Variants in LRP1B observed in about 807,000 individuals in gnomAD.
LRP1B encodes low-density lipoprotein receptor-related protein 1B.
LRP1B carries 217 observed loss-of-function variants against 556.6 expected under a neutral mutation model. That is an observed-to-expected ratio of 0.39 (90% CI 0.35 to 0.44). The LOEUF is 0.44. Among genes scored for constraint, LRP1B ranks in the 20% least tolerant of loss-of-function variants. LRP1B has a pLI of 1.00. For synonymous variants in LRP1B, 2,047 were observed against 1,865.8 expected, an observed-to-expected ratio of 1.10 and a Z score of -2.50; for missense variants, 5,053 against 5,620.8, an observed-to-expected ratio of 0.90 and a Z score of 3.23.
chr2:142,120,380 G>A (rs555469879), intron 1 of LRP1B, among the ~76,000 whole-genome samples: 1 of 152,284 alleles, frequency 6.6e-6, no homozygotes, highest in East Asian at 1.9e-4. Context: ...CCAAAGTGCT[G>A]GGATTACAGG....
intron 3 of LRP1B, among the ~76,000 whole-genome samples, chr2:141,389,088 T>G (rs1392380447): frequency 6.6e-6 from 1 of 152,126 alleles, no homozygotes; most frequent in Non-Finnish European, 1.5e-5. Context: ...GTTAGCCTAT[T>G]AAAATTCCAA....
At chr2:141,916,005 A>G (rs770444230) in intron 1 of LRP1B, among the ~76,000 whole-genome samples, 9 of 152,204 alleles carry the variant, frequency 5.9e-5, no homozygotes, top group African/African-American at 2.2e-4. Flanking sequence ...TTCAGCCACT[A>G]TGGAAATCTT....
intron 84 of LRP1B, among the ~76,000 whole-genome samples, chr2:140,286,880 G>C (rs1278355213): frequency 6.6e-6 from 1 of 151,622 alleles, no homozygotes; most frequent in Non-Finnish European, 1.5e-5. Flanking sequence ...ATTTACAGAA[G>C]ACTTTTCTTA....
At chr2:141,596,004 A>G (rs1430490217) in intron 2 of LRP1B, among the ~76,000 whole-genome samples, 1 of 152,074 alleles carries the variant, frequency 6.6e-6, no homozygotes, top group Admixed American at 6.6e-5. Flanking sequence ...GATCTGAAAC[A>G]TACACAGAGA....
intron 1 of LRP1B, among the ~76,000 whole-genome samples, chr2:142,097,054 T>C (rs1706397166): frequency 1.2e-5 from 1 of 81,672 alleles, no homozygotes; most frequent in South Asian, 3.0e-4. Flanking sequence ...GTAATTATCA[T>C]TGCAAAAAAA....
chr2:141,601,004 A>C (rs1489611947), intron 2 of LRP1B, among the ~76,000 whole-genome samples: 2 of 152,152 alleles, frequency 1.3e-5, no homozygotes, highest in African/African-American at 4.8e-5. Context: ...GCACACCTAT[A>C]TCTATACCGG....
At chr2:141,670,323 A>C (rs896209468) in intron 2 of LRP1B, among the ~76,000 whole-genome samples, 1 of 152,198 alleles carries the variant, frequency 6.6e-6, no homozygotes, top group Non-Finnish European at 1.5e-5. Flanking sequence ...TCTATCAATA[A>C]ATGAGCAAAT....
At chr2:141,485,428 T>A (rs1315778442) in intron 2 of LRP1B, among the ~76,000 whole-genome samples, 1 of 152,150 alleles carries the variant, frequency 6.6e-6, no homozygotes, top group African/African-American at 2.4e-5. Context: ...AGGGAATAAA[T>A]ATTTCAGACC....
At chr2:141,962,062 A>C (rs537660118) in intron 1 of LRP1B, among the ~76,000 whole-genome samples, 2 of 151,946 alleles carry the variant, frequency 1.3e-5, no homozygotes, top group East Asian at 3.9e-4. Context: ...GAAGCAGGTA[A>C]AAAGAAATTT....
chr2:142,093,916 A>G (rs995014739), intron 1 of LRP1B, among the ~76,000 whole-genome samples: 3 of 152,086 alleles, frequency 2.0e-5, no homozygotes, highest in African/African-American at 7.2e-5. Context: ...TTGAACTGCT[A>G]TAACAAAAAT....
At chr2:140,970,461 G>GATTT (rs376706916) in intron 18 of LRP1B, among the ~76,000 whole-genome samples, 3,529 of 152,118 alleles carry the variant, frequency 0.023, 67 homozygotes, top group Non-Finnish European at 0.032. Flanking sequence ...CTTTGGGATG[G>GATTT]GTTTGAACTT....
At chr2:142,064,349 C>T (rs531007537) in intron 1 of LRP1B, among the ~76,000 whole-genome samples, 1 of 151,682 alleles carries the variant, frequency 6.6e-6, no homozygotes, top group Non-Finnish European at 1.5e-5. Flanking sequence ...TCTATCTTCA[C>T]TTTCTCTGAC....
intron 1 of LRP1B, among the ~76,000 whole-genome samples, chr2:142,127,064 C>T (rs959490637): frequency 6.6e-6 from 1 of 151,170 alleles, no homozygotes; most frequent in Non-Finnish European, 1.5e-5. Context: ...ACTCATCTAG[C>T]ACCCTTTCTA....
intron 7 of LRP1B, among the ~76,000 whole-genome samples, chr2:141,142,711 T>C (rs1042786455): frequency 3.3e-5 from 5 of 152,036 alleles, no homozygotes; most frequent in African/African-American, 1.2e-4. Flanking sequence ...CATTTAGAAG[T>C]GAAAAAGTGA....
In LRP1B at chr2:140,373,053, G is replaced by A. The variant is rs777528989; in HGVS notation, c.10723C>T (p.His3575Tyr). 3 of 1,613,326 alleles carry A rather than the reference G, an allele frequency of 1.9e-6. No individual in the cohort carries two copies. Among genetic ancestry groups the A allele is most frequent in the Non-Finnish European group, 1.7e-6 (2 of 1,179,590 alleles). ...TCTTCCCCATATTTGCAGTCTTCATGGCCATCACATTTCCATTTTGCTGGT... is the reference window on the plus strand; with the variant it reads ...TCTTCCCCATATTTGCAGTCTTCATAGCCATCACATTTCCATTTTGCTGGT... ...CIPAKWKCDGHEDCKYGEDEK... is the reference protein window; with the variant it reads ...CIPAKWKCDGYEDCKYGEDEK... Residue 3575 changes from histidine (H) to tyrosine (Y), a missense_variant, in exon 69 of 91, where the codon CAT (histidine) becomes TAT (tyrosine). By Grantham distance (83) the His-to-Tyr change is moderately conservative. This residue lies in a region of LRP1B where 599 missense variants were observed against 648.4 expected (regional missense o/e 0.92). Transcript: ENST00000389484.
At chr2:141,067,595 C>T (rs1039663419) in intron 7 of LRP1B, among the ~76,000 whole-genome samples, 22 of 152,092 alleles carry the variant, frequency 1.4e-4, no homozygotes, top group African/African-American at 2.4e-4. Context: ...GTGGCTGACT[C>T]GTTGAACGTC....
chr2:141,733,102 A>G (rs922865012), intron 2 of LRP1B, among the ~76,000 whole-genome samples: 3 of 152,118 alleles, frequency 2.0e-5, no homozygotes, highest in Non-Finnish European at 2.9e-5. Context: ...GACCAACCCT[A>G]TCAAAGATGG....
At chr2:141,754,649 T>C (rs1694254247) in intron 2 of LRP1B, among the ~76,000 whole-genome samples, 1 of 152,178 alleles carries the variant, frequency 6.6e-6, no homozygotes, top group Non-Finnish European at 1.5e-5. Flanking sequence ...TCCAGAGATA[T>C]GGAGCCAAAA....
chr2:142,130,058 A>G (rs979640241), intron 1 of LRP1B, among the ~76,000 whole-genome samples: 3 of 152,082 alleles, frequency 2.0e-5, no homozygotes, highest in Non-Finnish European at 4.4e-5. Context: ...CGAAAAGTCA[A>G]TTTCAAGCAG....
Sources: gnomAD v4.1 joint callset for allele counts (sites outside exome capture counted in the v4.1 genomes callset) on GRCh38, gnomAD v4.1.1 for gene constraint, gnomAD v4.1.1 regional missense constraint, MANE v1.5 for transcripts, NCBI Gene and HGNC (gene_info 2026-07-23, HGNC 2026-07-21) for gene names.